The following GALNT10 variants were observed in gnomAD, a reference collection of about 807,000 sequenced individuals.
GALNT10 encodes the protein polypeptide N-acetylgalactosaminyltransferase 10, also known as GalNAc transferase 10.
Under a neutral mutation model 75.0 loss-of-function variants are expected in GALNT10, and 41 were observed. That is an observed-to-expected ratio of 0.55 (90% CI 0.43 to 0.71). The LOEUF is 0.71. GALNT10 is among the 30% of genes least tolerant of loss of function. The probability of loss-of-function intolerance (pLI) is 0.00; values close to 1 mark genes in which losing one functional copy is unlikely to be tolerated. For missense variants in GALNT10, 727 were observed against 818.5 expected (o/e 0.89, Z 1.36); for synonymous variants, 302 against 313.0 (o/e 0.96, Z 0.37).
intron 1 of GALNT10, among the ~76,000 whole-genome samples, chr5:154,229,552 C>T (rs1419799805): frequency 1.3e-5 from 2 of 151,898 alleles, no homozygotes; most frequent in Non-Finnish European, 2.9e-5. Flanking sequence ...CATGGTGAAA[C>T]CCCATCTCTA....
intron 4 of GALNT10, among the ~76,000 whole-genome samples, chr5:154,342,801 G>A (rs993553562): frequency 6.6e-6 from 1 of 152,068 alleles, no homozygotes; most frequent in Non-Finnish European, 1.5e-5. Context: ...AATTTCAGCC[G>A]CTATTCATTA....
chr5:154,283,948 G>A (rs1268073511), intron 1 of GALNT10, among the ~76,000 whole-genome samples: 1 of 152,216 alleles, frequency 6.6e-6, no homozygotes, highest in African/African-American at 2.4e-5. Context: ...TGTTGAGAAA[G>A]ATTCTCAAAG....
intron 1 of GALNT10, among the ~76,000 whole-genome samples, chr5:154,264,748 TTGGTCTC>T (rs1212528043): frequency 2.0e-5 from 3 of 152,190 alleles, no homozygotes; most frequent in African/African-American, 4.8e-5. Context: ...CAGTGACCCT[TTGGTCTC>T]TGTCCAAGAC....
chr5:154,321,969 TG>T (rs1754683042), intron 3 of GALNT10, among the ~76,000 whole-genome samples: 1 of 152,204 alleles, frequency 6.6e-6, no homozygotes, highest in African/African-American at 2.4e-5. Flanking sequence ...GTTTACACCC[TG>T]GGCAAAAGGG....
chr5:154,294,754 T>G (rs1196894795), intron 1 of GALNT10, 62 bp from the exon 2 acceptor site: 11 of 878,974 alleles, frequency 1.3e-5, no homozygotes, highest in Non-Finnish European at 2.1e-5. Context: ...GCAGTGTAAC[T>G]CCTGGGCCTG....
chr5:154,227,709 G>T (rs1365700223), intron 1 of GALNT10, among the ~76,000 whole-genome samples: 1 of 150,160 alleles, frequency 6.7e-6, no homozygotes, highest in Non-Finnish European at 1.5e-5. Context: ...TTTTGGTGTT[G>T]TATCTAAGAT....
chr5:154,287,959 T>TGAGA (rs36043154), intron 1 of GALNT10, among the ~76,000 whole-genome samples: 25,109 of 149,788 alleles, frequency 0.17, 2,210 homozygotes, highest in Non-Finnish European at 0.19. Context: ...TGTGTGTGTG[T>TGAGA]GAGAGAGAGA....
intron 1 of GALNT10, among the ~76,000 whole-genome samples, chr5:154,212,937 C>T (rs536283500): frequency 6.7e-6 from 1 of 149,642 alleles, no homozygotes; most frequent in African/African-American, 2.5e-5. Flanking sequence ...CACTGCTCTC[C>T]AGCCTGGGCG....
At chr5:154,350,509 T>G (rs921949077) in intron 4 of GALNT10, among the ~76,000 whole-genome samples, 2 of 152,168 alleles carry the variant, frequency 1.3e-5, no homozygotes, top group African/African-American at 4.8e-5. Context: ...TCAAAGATAG[T>G]TAAATAGATG....
At chr5:154,220,673 T>A (rs1161897919) in intron 1 of GALNT10, among the ~76,000 whole-genome samples, 6 of 151,840 alleles carry the variant, frequency 4.0e-5, no homozygotes, top group Non-Finnish European at 8.8e-5. Flanking sequence ...TAAAAGGGAG[T>A]TCCCACAGCA....
At chr5:154,293,613 A>ATATATATATTTTTTTTTTTTTTTT in intron 1 of GALNT10, among the ~76,000 whole-genome samples, 1 of 109,358 alleles carries the variant, frequency 9.1e-6, no homozygotes, top group African/African-American at 4.2e-5. Context: ...ATATATATAT[A>ATATATATATTTTTTTTTTTTTTTT]TTTTTTTTTT....
rs542456268 is a variant in GALNT10 at position 154,282,649 on chromosome 5, C to G, written c.160-12167C>G. On this transcript the variant is annotated intron_variant, in intron 1 of 11. Transcript: ENST00000297107. The stretch of plus-strand genomic sequence containing the variant: ...AAAAATTATTTTAGGATCAGGTGAG[C>G]CAGCTCTCTTTTGAGCTTTGTAGCC... 1.2e-4 allele frequency among the ~76,000 whole-genome samples: 19 copies of G among 152,282 alleles called. 1 individual carries two copies. In the East Asian group the frequency reaches 3.3e-3, roughly 26 times the overall value.
At chr5:154,316,723 A>C (rs376962619) in intron 3 of GALNT10, among the ~76,000 whole-genome samples, 2 of 152,242 alleles carry the variant, frequency 1.3e-5, no homozygotes, top group South Asian at 4.1e-4. Context: ...GTAAGTGCTC[A>C]GTATTACGTT....
chr5:154,404,713 A>AAT (rs1183316590), intron 8 of GALNT10, among the ~76,000 whole-genome samples: 6 of 152,322 alleles, frequency 3.9e-5, no homozygotes, highest in African/African-American at 1.4e-4. Context: ...ATGTTAGATA[A>AAT]ATATTAATAC....
At chr5:154,320,005 G>A (rs938219937) in intron 3 of GALNT10, among the ~76,000 whole-genome samples, 2 of 152,202 alleles carry the variant, frequency 1.3e-5, no homozygotes, top group Non-Finnish European at 2.9e-5. Context: ...GGTCTATAGA[G>A]CCAGGTACCC....
chr5:154,331,878 G>C (rs1160379767), intron 4 of GALNT10, among the ~76,000 whole-genome samples: 1 of 152,134 alleles, frequency 6.6e-6, no homozygotes, highest in Non-Finnish European at 1.5e-5. Context: ...AGCTCAATAT[G>C]CCAGGCCCAT....
chr5:154,211,470 G>A (rs1170097505), intron 1 of GALNT10, among the ~76,000 whole-genome samples: 3 of 152,138 alleles, frequency 2.0e-5, no homozygotes, highest in African/African-American at 7.2e-5. Flanking sequence ...GTGTATGCAG[G>A]TTACTCCTTC....
At chr5:154,209,169 G>T (rs1208353648) in intron 1 of GALNT10, among the ~76,000 whole-genome samples, 1 of 152,250 alleles carries the variant, frequency 6.6e-6, no homozygotes, top group Non-Finnish European at 1.5e-5. Flanking sequence ...TACGCGTACT[G>T]CAGGAGCTAG....
At chr5:154,251,560 A>G (rs1472810145) in intron 1 of GALNT10, among the ~76,000 whole-genome samples, 1 of 152,148 alleles carries the variant, frequency 6.6e-6, no homozygotes, top group Non-Finnish European at 1.5e-5. Context: ...AGGGGATGCC[A>G]TGTTTCTACA....
Sources: allele counts gnomAD v4.1 joint callset (sites outside exome capture counted in the v4.1 genomes callset), GRCh38; gene constraint gnomAD v4.1.1; transcripts MANE v1.5; gene names NCBI Gene and HGNC (gene_info 2026-07-23, HGNC 2026-07-21).